The following CNTRL variants were observed in gnomAD, a reference collection of about 807,000 sequenced individuals.
CNTRL encodes 110 kDa centrosomal protein.
CNTRL carries 233 observed loss-of-function variants against 303.7 expected under a neutral mutation model. The ratio of observed to expected loss-of-function variants is 0.77; its 90% CI spans 0.69 to 0.86. The LOEUF (loss-of-function observed/expected upper bound fraction) is 0.86. Among genes scored for constraint, CNTRL ranks in the 40% least tolerant of loss-of-function variants. CNTRL has a pLI of 0.00. For missense variants in CNTRL, 2,524 were observed against 2,650.6 expected (o/e 0.95, Z 1.05); for synonymous variants, 900 against 922.2 (o/e 0.98, Z 0.44).
intron 14 of CNTRL, among the ~76,000 whole-genome samples, chr9:121,129,344 C>T (rs897101232): frequency 4.6e-5 from 7 of 151,918 alleles, no homozygotes; most frequent in Middle Eastern, 3.2e-3. Context: ...TTCTTGAAGA[C>T]GTCCTTCACA....
intron 12 of CNTRL, among the ~76,000 whole-genome samples, chr9:121,118,785 T>C (rs1197538036): frequency 6.6e-6 from 1 of 152,182 alleles, no homozygotes; most frequent in Non-Finnish European, 1.5e-5. Context: ...GTACAGACTT[T>C]TTTTCATTTG....
At chr9:121,118,566 T>A in intron 12 of CNTRL, 26 bp downstream of exon 12, 1 of 1,549,526 alleles carries the variant, frequency 6.5e-7, no homozygotes, top group Non-Finnish European at 8.7e-7. Flanking sequence ...AATTTTGACT[T>A]GTTCTGTCTA....
At chr9:121,155,118 A>G (rs2052498430) in intron 27 of CNTRL, among the ~76,000 whole-genome samples, 1 of 152,210 alleles carries the variant, frequency 6.6e-6, no homozygotes, top group South Asian at 2.1e-4. Context: ...TTTCTTATCT[A>G]TAAATTCAGG....
intron 15 of CNTRL, among the ~76,000 whole-genome samples, chr9:121,136,259 C>CTT (rs1413212752): frequency 6.6e-5 from 10 of 152,020 alleles, no homozygotes; most frequent in Non-Finnish European, 1.5e-4. Flanking sequence ...GACATGAAAG[C>CTT]ACCTGACAGT....
At chr9:121,151,377 TTTTCTTC>T (rs953882942) in intron 25 of CNTRL, among the ~76,000 whole-genome samples, 1 of 118,834 alleles carries the variant, frequency 8.4e-6, no homozygotes, top group African/African-American at 2.6e-5. Flanking sequence ...CCTTTTTCTT[TTTTCTTC>T]TTCTTTTTTT....
Position 121,173,424 on chromosome 9 carries a change from T to C in CNTRL, c.6599T>C (p.Leu2200Ser). ...LERNENLEGELESLKENLPFT... is the reference protein window; with the variant it reads ...LERNENLEGESESLKENLPFT... ...AGAAACGAAAACCTAGAAGGAGAAT[T>C]GGAAAGCTTGAAAGAGAACCTTCCA... The change falls in exon 41 of 44, where the codon TTG (leucine) becomes TCG (serine). Residue 2200 changes from leucine to serine, a missense_variant. Transcript: ENST00000373855. 1 of 1,614,018 alleles carries C rather than the reference T, an allele frequency of 6.2e-7. No individual in the cohort carries two copies.
intron 7 of CNTRL, among the ~76,000 whole-genome samples, chr9:121,102,651 A>G (rs1282163358): frequency 6.6e-6 from 1 of 152,176 alleles, no homozygotes; most frequent in Non-Finnish European, 1.5e-5. Context: ...AGAAAACCCC[A>G]TTGTCTCAGC....
At chr9:121,131,201 T>A (rs867483305) in intron 14 of CNTRL, among the ~76,000 whole-genome samples, 2 of 152,174 alleles carry the variant, frequency 1.3e-5, no homozygotes, top group African/African-American at 4.8e-5. Context: ...ACCTTCTGTC[T>A]TGTTGATCTG....
chr9:121,150,155 T>C lies in CNTRL; in HGVS notation c.3650-15T>C. 1 of 1,587,390 alleles carries C rather than the reference T, an allele frequency of 6.3e-7. No individual in the cohort carries two copies. Among genetic ancestry groups the C allele is most frequent in the Non-Finnish European group, 8.6e-7 (1 of 1,166,012 alleles). ...CTCTTTTGTTGAATAAACTCTTCTG[T>C]TTATTTCTTTGAAGATGCAGACAGT... On this transcript the variant is annotated splice_polypyrimidine_tract_variant and intron_variant, in intron 24 of 43. Transcript: ENST00000373855.
At chr9:121,081,921 T>G (rs1048734067) in intron 2 of CNTRL, among the ~76,000 whole-genome samples, 2 of 152,224 alleles carry the variant, frequency 1.3e-5, no homozygotes, top group African/African-American at 2.4e-5. Context: ...CCTCTAAACA[T>G]GCCTTAGTCT....
intron 14 of CNTRL, among the ~76,000 whole-genome samples, chr9:121,133,332 A>C (rs559035776): frequency 4.6e-5 from 7 of 152,130 alleles, no homozygotes; most frequent in African/African-American, 1.7e-4. Context: ...GTGTTTACCT[A>C]CTCAAGCCTC....
At chr9:121,158,149 A>C in intron 30 of CNTRL, 40 bp downstream of exon 30, 1 of 1,600,724 alleles carries the variant, frequency 6.2e-7, no homozygotes, top group Non-Finnish European at 8.5e-7. Flanking sequence ...CTGACACAGC[A>C]CTTTATGATT....
Position 121,090,406 on chromosome 9 carries a change from G to A in CNTRL, c.348+1G>A, listed in dbSNP as rs2048514354. On this transcript the variant is annotated splice_donor_variant, in intron 4 of 43. Transcript: ENST00000373855. LOFTEE classifies it high-confidence loss of function. ...TAAAGACGGTGGCAAGAAATTTAAG[G>A]TAGGTTACCAACAATTTCTGAGCAT... 1 of 1,608,062 alleles carries A rather than the reference G, an allele frequency of 6.2e-7. No individual in the cohort carries two copies. The highest frequency in any genetic ancestry group is 1.3e-5 in the African/African-American group (1 of 74,722).
At chr9:121,095,673 TG>T (rs1240068344) in intron 5 of CNTRL, among the ~76,000 whole-genome samples, 1 of 151,836 alleles carries the variant, frequency 6.6e-6, no homozygotes, top group African/African-American at 2.4e-5. Context: ...AAAACTGAAA[TG>T]AAAAAAAATG....
chr9:121,151,262 TACA>T (rs2052226210), intron 25 of CNTRL, among the ~76,000 whole-genome samples: 1 of 152,166 alleles, frequency 6.6e-6, no homozygotes, highest in Admixed American at 6.6e-5. Flanking sequence ...TTAATGACTG[TACA>T]ACATTTCTAT....
chr9:121,166,232 A>G (rs2053085835), intron 36 of CNTRL, 52 bp downstream of exon 36: 4 of 1,276,020 alleles, frequency 3.1e-6, no homozygotes, highest in Non-Finnish European at 4.4e-6. Context: ...TATGCAGACC[A>G]TTGGTTTAAA....
At chr9:121,081,686 C>T (rs1334418940) in intron 2 of CNTRL, among the ~76,000 whole-genome samples, 2 of 152,182 alleles carry the variant, frequency 1.3e-5, no homozygotes, top group Non-Finnish European at 2.9e-5. Context: ...GGGCAAGGTA[C>T]GTGGAAAGGG....
intron 36 of CNTRL, among the ~76,000 whole-genome samples, chr9:121,167,265 C>T (rs550790292): frequency 1.3e-5 from 2 of 151,318 alleles, no homozygotes; most frequent in Admixed American, 6.6e-5. Context: ...GAGCCGAGAT[C>T]ATGCCACTGC....
Position 121,151,413 on chromosome 9 carries a change from C to T in CNTRL, c.3963+930C>T, listed in dbSNP as rs1328903003. On this transcript the variant is annotated intron_variant, in intron 25 of 43. Coordinates refer to ENST00000373855, the MANE Select transcript of CNTRL (RefSeq NM_007018.6). The stretch of plus-strand genomic sequence containing the variant: ...TTTTTTTTTTTTTTTTTTTTTGAGA[C>T]GGACTTGTTCTCTTTCGCCCAGGCT... Among the ~76,000 whole-genome samples the T allele has an allele frequency of 1.6e-4, 6 of 38,086 alleles. No individual in the cohort carries two copies. The East Asian group carries it at 8.4e-3, about 53-fold the overall frequency. The allele number at this position is 38,086 out of a possible 152,430, so 25.0% of individuals were successfully genotyped here.
Sources: allele counts gnomAD v4.1 joint callset (sites outside exome capture counted in the v4.1 genomes callset), GRCh38; gene constraint gnomAD v4.1.1; transcripts MANE v1.5; gene names NCBI Gene and HGNC (gene_info 2026-07-23, HGNC 2026-07-21).